DAP: variants seen among roughly 807,000 people sequenced by gnomAD.
DAP encodes the protein death-associated protein 1.
Under a neutral mutation model 13.8 loss-of-function variants are expected in DAP, and 8 were observed. The ratio of observed to expected loss-of-function variants is 0.58; its 90% CI spans 0.34 to 1.05. DAP has a LOEUF of 1.05. Ranked by LOEUF, DAP falls within the 50% of genes least tolerant of loss-of-function variation. The probability of loss-of-function intolerance (pLI) is 0.03; values close to 1 mark genes in which losing one functional copy is unlikely to be tolerated. For missense variants in DAP, 106 were observed against 133.2 expected (o/e 0.80, Z 1.01); for synonymous variants, 47 against 47.5 (o/e 0.99, Z 0.04).
In DAP at chr5:10,695,779, G is replaced by C. The variant is rs62337571; in HGVS notation, c.153-12208C>G. Among the ~76,000 whole-genome samples, 868 of 152,234 alleles carry C rather than the reference G, an allele frequency of 5.7e-3. 6 individuals carry two copies. The highest frequency in any genetic ancestry group is 9.7e-3 in the Non-Finnish European group (661 of 68,010). On this transcript the variant is annotated intron_variant, in intron 2 of 3. Coordinates refer to ENST00000230895, the MANE Select transcript of DAP (RefSeq NM_004394.3). Reference sequence around the variant, plus strand: ...TGTGTGGGAAGGATGCTCTCATTTGGGGGTTCTGAAATATTTCTCTCCAGG... The same window carrying C: ...TGTGTGGGAAGGATGCTCTCATTTGCGGGTTCTGAAATATTTCTCTCCAGG...
At chr5:10,701,097 A>G (rs1738565804) in intron 2 of DAP, among the ~76,000 whole-genome samples, 1 of 152,262 alleles carries the variant, frequency 6.6e-6, no homozygotes, top group African/African-American at 2.4e-5. Context: ...AAACCATGGC[A>G]TCTGGCTGGG....
At chr5:10,728,371 T>C (rs903127384) in intron 2 of DAP, among the ~76,000 whole-genome samples, 1 of 152,184 alleles carries the variant, frequency 6.6e-6, no homozygotes, top group African/African-American at 2.4e-5. Flanking sequence ...AAACCTTAAG[T>C]GTGGAGTTAC....
chr5:10,729,023 G>A (rs55720372), intron 2 of DAP, among the ~76,000 whole-genome samples: 13,489 of 152,190 alleles, frequency 0.089, 818 homozygotes, highest in African/African-American at 0.17. Context: ...TAATTAAACA[G>A]CATGTTAATT....
chr5:10,758,831 T>C (rs983790585), intron 1 of DAP, among the ~76,000 whole-genome samples: 7 of 152,222 alleles, frequency 4.6e-5, no homozygotes, highest in Non-Finnish European at 1.5e-5. Context: ...TCACAAAGCC[T>C]AGCTGTTTAC....
intron 1 of DAP, among the ~76,000 whole-genome samples, chr5:10,757,676 C>T (rs1461823065): frequency 6.6e-6 from 1 of 152,178 alleles, no homozygotes; most frequent in African/African-American, 2.4e-5. Flanking sequence ...TGTGTCAGCA[C>T]ATTGTGACAC....
intron 1 of DAP, among the ~76,000 whole-genome samples, chr5:10,749,799 A>C (rs1399915718): frequency 6.9e-6 from 1 of 145,152 alleles, no homozygotes; most frequent in Non-Finnish European, 1.5e-5. Context: ...TCAGGGCTAC[A>C]GTGTTCCATG....
At chr5:10,753,278 C>A (rs1193307626) in intron 1 of DAP, among the ~76,000 whole-genome samples, 1 of 152,254 alleles carries the variant, frequency 6.6e-6, no homozygotes, top group Admixed American at 6.5e-5. Context: ...GCACAGCTGG[C>A]AAGCGGCAAA....
At chr5:10,724,824 G>A (rs1030817785) in intron 2 of DAP, among the ~76,000 whole-genome samples, 3 of 152,122 alleles carry the variant, frequency 2.0e-5, no homozygotes, top group Non-Finnish European at 2.9e-5. Context: ...TGCTCCCCAG[G>A]GCCTCTCAAC....
chr5:10,716,407 A>G (rs1738992486), intron 2 of DAP, among the ~76,000 whole-genome samples: 1 of 152,032 alleles, frequency 6.6e-6, no homozygotes, highest in Non-Finnish European at 1.5e-5. Context: ...ACTGAGTGTC[A>G]ACTTGATTGG....
intron 2 of DAP, among the ~76,000 whole-genome samples, chr5:10,710,945 G>C (rs1049074447): frequency 1.3e-5 from 2 of 152,242 alleles, no homozygotes; most frequent in East Asian, 3.8e-4. Context: ...GGCACGGTGT[G>C]AGAAACTGTG....
At chr5:10,682,758 C>T (rs1738056269) in intron 3 of DAP, among the ~76,000 whole-genome samples, 1 of 152,246 alleles carries the variant, frequency 6.6e-6, no homozygotes, top group Non-Finnish European at 1.5e-5. Flanking sequence ...CTGGCTCTGC[C>T]CCATGCCGTG....
At chr5:10,757,922 G>A (rs1257162990) in intron 1 of DAP, among the ~76,000 whole-genome samples, 1 of 152,194 alleles carries the variant, frequency 6.6e-6, no homozygotes, top group African/African-American at 2.4e-5. Flanking sequence ...GAAGCAAGAA[G>A]ACAGGCAGAG....
chr5:10,739,063 G>C (rs150261907), intron 2 of DAP, among the ~76,000 whole-genome samples: 1 of 152,032 alleles, frequency 6.6e-6, no homozygotes, highest in East Asian at 1.9e-4. Context: ...TTAGCCGAAC[G>C]TGGTGGCATG....
At chr5:10,715,197 G>A (rs1339064553) in intron 2 of DAP, among the ~76,000 whole-genome samples, 1 of 152,272 alleles carries the variant, frequency 6.6e-6, no homozygotes, top group Non-Finnish European at 1.5e-5. Context: ...GGCCCCAAAT[G>A]TAAAATGTTG....
chr5:10,693,884 T>C (rs1465680517), intron 2 of DAP, among the ~76,000 whole-genome samples: 4 of 152,248 alleles, frequency 2.6e-5, no homozygotes, highest in Non-Finnish European at 5.9e-5. Flanking sequence ...TGATCACTTA[T>C]GTCTCTAGCA....
chr5:10,723,074 A>C (rs1739199762), intron 2 of DAP, among the ~76,000 whole-genome samples: 1 of 152,244 alleles, frequency 6.6e-6, no homozygotes, highest in Non-Finnish European at 1.5e-5. Flanking sequence ...TGCCAAAGAA[A>C]TATAGACAGA....
At chr5:10,700,746 A>T (rs55731798) in intron 2 of DAP, among the ~76,000 whole-genome samples, 12,283 of 152,258 alleles carry the variant, frequency 0.081, 628 homozygotes, top group African/African-American at 0.14. Flanking sequence ...TGCTGCGGCA[A>T]GAGGGTGCTG....
At chr5:10,724,706 C>T (rs1393829253) in intron 2 of DAP, among the ~76,000 whole-genome samples, 1 of 152,236 alleles carries the variant, frequency 6.6e-6, no homozygotes, top group Non-Finnish European at 1.5e-5. Flanking sequence ...AGACCAAAGA[C>T]TCAGCCTAGG....
At chr5:10,754,426 T>C (rs267937) in intron 1 of DAP, among the ~76,000 whole-genome samples, 152,299 of 152,332 alleles carry the variant, frequency 1, 76,133 homozygotes, top group Non-Finnish European at 1. Context: ...TGCTATTCTG[T>C]GCTCAGAATC....
Sources: gnomAD v4.1 joint callset for allele counts (sites outside exome capture counted in the v4.1 genomes callset) on GRCh38, gnomAD v4.1.1 for gene constraint, MANE v1.5 for transcripts, NCBI Gene and HGNC (gene_info 2026-07-23, HGNC 2026-07-21) for gene names.